The following AFG1L variants were observed in gnomAD, a reference collection of about 807,000 sequenced individuals.
The protein encoded by AFG1L is AFG1 like ATPase, also known as AFG1-like ATPase.
A neutral mutation model predicts 62.2 loss-of-function variants in AFG1L; 53 were observed. The ratio of observed to expected loss-of-function variants is 0.85; its 90% CI spans 0.68 to 1.07. The LOEUF (loss-of-function observed/expected upper bound fraction) is 1.07. Ranked by LOEUF, AFG1L falls within the 50% of genes least tolerant of loss-of-function variation. The pLI, the probability that AFG1L is intolerant of heterozygous loss-of-function variation, is 0.00. For missense variants in AFG1L, 555 were observed against 590.5 expected, an observed-to-expected ratio of 0.94 and a Z score of 0.62; for synonymous variants, 228 against 210.3, an observed-to-expected ratio of 1.08 and a Z score of -0.73.
chr6:108,320,647 T>G (rs1192871724), intron 1 of AFG1L, among the ~76,000 whole-genome samples: 3 of 152,124 alleles, frequency 2.0e-5, no homozygotes, highest in African/African-American at 7.2e-5. Flanking sequence ...GCTTATCAAG[T>G]GGCTCATTTA....
At chr6:108,326,947 CAAA>C (rs554908377) in intron 2 of AFG1L, among the ~76,000 whole-genome samples, 1 of 141,354 alleles carries the variant, frequency 7.1e-6, no homozygotes, top group Non-Finnish European at 1.5e-5. Context: ...GACTCCGTCT[CAAA>C]AAAAAAAAGA....
intron 7 of AFG1L, among the ~76,000 whole-genome samples, chr6:108,402,485 A>G (rs1305997952): frequency 1.3e-5 from 2 of 151,290 alleles, no homozygotes; most frequent in Non-Finnish European, 1.5e-5. Flanking sequence ...AAAAAAAAAA[A>G]AAAAAGGAGA....
chr6:108,295,275 TG>T (rs1470062903), intron 1 of AFG1L, 57 bp downstream of exon 1: 3 of 1,538,848 alleles, frequency 1.9e-6, no homozygotes, highest in Non-Finnish European at 2.6e-6. Context: ...GAGAAGCCTC[TG>T]GGATTACCCT....
At chr6:108,417,222 A>G (rs1371220568) in intron 7 of AFG1L, among the ~76,000 whole-genome samples, 1 of 150,104 alleles carries the variant, frequency 6.7e-6, no homozygotes, top group African/African-American at 2.5e-5. Context: ...CGACAGAGCA[A>G]GACATTGTCT....
chr6:108,446,949 G>T (rs146875223), intron 7 of AFG1L, among the ~76,000 whole-genome samples: 1 of 152,220 alleles, frequency 6.6e-6, no homozygotes, highest in East Asian at 1.9e-4. Flanking sequence ...TGGGGAATTT[G>T]CTGACAGCAC....
At chr6:108,390,156 G>T (rs982318198) in intron 6 of AFG1L, among the ~76,000 whole-genome samples, 2 of 152,124 alleles carry the variant, frequency 1.3e-5, no homozygotes, top group Non-Finnish European at 2.9e-5. Flanking sequence ...CCAGTTGATT[G>T]AATCGGCTAC....
rs554610736 is a variant in AFG1L at position 108,419,043 on chromosome 6, C to T, written c.807+16989C>T. Among the ~76,000 whole-genome samples the T allele has an allele frequency of 2.6e-5, 4 of 152,294 alleles. No homozygotes were observed. The East Asian group carries it at 7.7e-4, about 29-fold the overall frequency. ...ATCTGTCTGTTTACTCCATCACTTACACTTTCATAAACCATTTAGTTTGTT... is the reference window on the plus strand; with the variant it reads ...ATCTGTCTGTTTACTCCATCACTTATACTTTCATAAACCATTTAGTTTGTT... On this transcript the variant is annotated intron_variant, in intron 7 of 12. Transcript: ENST00000368977.
intron 6 of AFG1L, among the ~76,000 whole-genome samples, chr6:108,368,055 C>T (rs1276055299): frequency 6.6e-6 from 1 of 152,084 alleles, no homozygotes; most frequent in East Asian, 1.9e-4. Context: ...AGGTCTCTCT[C>T]ATTCTATGTT....
chr6:108,452,672 A>G (rs1195852490), intron 8 of AFG1L, among the ~76,000 whole-genome samples: 1 of 152,196 alleles, frequency 6.6e-6, no homozygotes, highest in African/African-American at 2.4e-5. Flanking sequence ...AGAAGACAAC[A>G]GAGACCTGGG....
At chr6:108,479,135 G>A (rs957003546) in intron 10 of AFG1L, among the ~76,000 whole-genome samples, 1 of 151,990 alleles carries the variant, frequency 6.6e-6, no homozygotes, top group African/African-American at 2.4e-5. Context: ...GGGACTGCAG[G>A]CACACAACGC....
chr6:108,382,214 G>C (rs1372928884), intron 6 of AFG1L, among the ~76,000 whole-genome samples: 1 of 151,988 alleles, frequency 6.6e-6, no homozygotes, highest in African/African-American at 2.4e-5. Flanking sequence ...TGGTCAAGCT[G>C]GTCTCGAACT....
Position 108,439,159 on chromosome 6 carries a change from G to T in AFG1L, c.808-8055G>T, listed in dbSNP as rs548784900. Among the ~76,000 whole-genome samples the T allele has an allele frequency of 2.2e-4, 33 of 152,292 alleles. 1 individual carries two copies. The highest frequency in any genetic ancestry group is 7.9e-4 in the African/African-American group (33 of 41,546). On this transcript the variant is annotated intron_variant, in intron 7 of 12. Transcript: ENST00000368977. Reference sequence around the variant, plus strand: ...CCACACAGCGTGACAATTGGCAGAGGACTTCTCAATTTATCAACTTGAAAA... The same window carrying T: ...CCACACAGCGTGACAATTGGCAGAGTACTTCTCAATTTATCAACTTGAAAA...
intron 1 of AFG1L, among the ~76,000 whole-genome samples, chr6:108,317,645 C>T (rs1469542948): frequency 6.6e-6 from 1 of 152,164 alleles, no homozygotes; most frequent in Non-Finnish European, 1.5e-5. Flanking sequence ...AGGCTCCTCT[C>T]ATAATTTTAT....
intron 11 of AFG1L, among the ~76,000 whole-genome samples, chr6:108,512,000 C>G (rs925394352): frequency 6.6e-6 from 1 of 152,190 alleles, no homozygotes; most frequent in Admixed American, 6.5e-5. Flanking sequence ...CTGTGAGAGT[C>G]TAGCAGGGGA....
At chr6:108,387,970 C>G (rs926865222) in intron 6 of AFG1L, 1 of 151,874 alleles carries the variant, frequency 6.6e-6, no homozygotes, top group African/African-American at 2.4e-5. Context: ...TAAATGAACT[C>G]TTTAAACAAA....
intron 5 of AFG1L, among the ~76,000 whole-genome samples, chr6:108,360,619 G>A (rs911157092): frequency 2.6e-5 from 4 of 152,196 alleles, no homozygotes; most frequent in Admixed American, 6.5e-5. Context: ...ACTGCTGCAC[G>A]CAAGAAAAGG....
intron 8 of AFG1L, among the ~76,000 whole-genome samples, chr6:108,452,939 G>A (rs1428903689): frequency 6.6e-6 from 1 of 152,186 alleles, no homozygotes; most frequent in South Asian, 2.1e-4. Flanking sequence ...CATCTTTCAA[G>A]GTTGCTCACT....
intron 1 of AFG1L, among the ~76,000 whole-genome samples, chr6:108,323,160 C>G (rs116292749): frequency 1.3e-5 from 2 of 152,068 alleles, no homozygotes; most frequent in African/African-American, 2.4e-5. Flanking sequence ...GCTTAAGAAC[C>G]AGAATTAGGG....
intron 7 of AFG1L, among the ~76,000 whole-genome samples, chr6:108,422,582 TATC>T (rs1770651929): frequency 6.7e-6 from 1 of 150,264 alleles, no homozygotes; most frequent in Non-Finnish European, 1.5e-5. Flanking sequence ...ATTTGTATAT[TATC>T]CTCAATATCA....
Sources: allele counts gnomAD v4.1 joint callset (sites outside exome capture counted in the v4.1 genomes callset), GRCh38; gene constraint gnomAD v4.1.1; transcripts MANE v1.5; gene names NCBI Gene and HGNC (gene_info 2026-07-23, HGNC 2026-07-21).